The following GRIK2 variants were observed in gnomAD, a reference collection of about 807,000 sequenced individuals.
GRIK2 encodes the protein glutamate ionotropic receptor kainate type subunit 2, also known as glutamate receptor ionotropic, kainate 2.
In GRIK2, 32 loss-of-function variants were observed where a neutral mutation model predicts 100.3. The observed-to-expected ratio is 0.32, with a 90% CI of 0.24 to 0.43. GRIK2 has a LOEUF of 0.43. Among genes scored for constraint, GRIK2 ranks in the 20% least tolerant of loss-of-function variants. The pLI is 1.00. For missense variants in GRIK2, 843 were observed against 1,114.9 expected (o/e 0.76, Z 3.47); for synonymous variants, 417 against 389.4 (o/e 1.07, Z -0.83).
At chr6:101,738,384 T>C (rs1298465439) in intron 7 of GRIK2, among the ~76,000 whole-genome samples, 1 of 152,186 alleles carries the variant, frequency 6.6e-6, no homozygotes, top group Non-Finnish European at 1.5e-5. Context: ...TAAAGTTACA[T>C]GGAGAAAATT....
chr6:101,886,847 G>A (rs1263876612), intron 11 of GRIK2, among the ~76,000 whole-genome samples: 27 of 105,746 alleles, frequency 2.6e-4, no homozygotes, highest in African/African-American at 1.0e-3. Flanking sequence ...TTTTTTTGGA[G>A]ACAGAGTCTC....
chr6:101,853,821 T>C (rs779736918), intron 10 of GRIK2, among the ~76,000 whole-genome samples: 1 of 151,916 alleles, frequency 6.6e-6, no homozygotes. Context: ...TATTACCAAG[T>C]GAAAGAAAAC....
intron 14 of GRIK2, among the ~76,000 whole-genome samples, chr6:101,969,550 AC>A (rs1265014421): frequency 6.6e-6 from 1 of 152,096 alleles, no homozygotes; most frequent in Non-Finnish European, 1.5e-5. Context: ...AAGGAGTAAT[AC>A]TGAGACAATT....
intron 14 of GRIK2, among the ~76,000 whole-genome samples, chr6:102,014,573 G>A (rs1424521181): frequency 6.6e-6 from 1 of 152,008 alleles, no homozygotes; most frequent in Non-Finnish European, 1.5e-5. Flanking sequence ...TTTGATGTGG[G>A]CATTTAGTGC....
chr6:101,823,357 ATTT>A (rs71717742), intron 10 of GRIK2, among the ~76,000 whole-genome samples: 29,709 of 150,710 alleles, frequency 0.2, 4,658 homozygotes, highest in East Asian at 0.61. Context: ...TATTTTATAT[ATTT>A]TTTTATTTTT....
chr6:101,791,079 C>A (rs545693237), intron 7 of GRIK2, among the ~76,000 whole-genome samples: 5 of 149,952 alleles, frequency 3.3e-5, no homozygotes, highest in Admixed American at 6.7e-5. Context: ...TTTATTGCGT[C>A]TATTTGATTC....
intron 4 of GRIK2, among the ~76,000 whole-genome samples, chr6:101,673,771 A>G (rs1770612165): frequency 2.0e-5 from 3 of 152,090 alleles, no homozygotes; most frequent in Admixed American, 6.6e-5. Context: ...GCCAGTCTTC[A>G]TTTGTAGTTA....
chr6:101,465,412 T>C (rs1771588930), intron 2 of GRIK2, among the ~76,000 whole-genome samples: 1 of 152,202 alleles, frequency 6.6e-6, no homozygotes, highest in Non-Finnish European at 1.5e-5. Context: ...GATAATGGCC[T>C]CCAGTCCCAT....
chr6:101,878,106 TATATTATATTATATTA>T (rs1328553662), intron 11 of GRIK2, among the ~76,000 whole-genome samples: 4 of 146,760 alleles, frequency 2.7e-5, no homozygotes, highest in African/African-American at 7.4e-5. Flanking sequence ...TATATTATAT[TATATTATATTATATTA>T]TATTATATTA....
At chr6:101,740,341 A>T (rs975952659) in intron 7 of GRIK2, among the ~76,000 whole-genome samples, 15 of 152,174 alleles carry the variant, frequency 9.9e-5, no homozygotes, top group African/African-American at 2.7e-4. Flanking sequence ...TTGAAGTAAC[A>T]TATAGGAAGG....
At chr6:102,038,395 G>A (rs1279933989) in intron 15 of GRIK2, among the ~76,000 whole-genome samples, 2 of 151,176 alleles carry the variant, frequency 1.3e-5, no homozygotes, top group South Asian at 2.1e-4. Flanking sequence ...CATTTTCTCC[G>A]GGTTTGCATC....
intron 2 of GRIK2, among the ~76,000 whole-genome samples, chr6:101,609,391 T>G (rs916716128): frequency 2.0e-5 from 3 of 151,762 alleles, no homozygotes; most frequent in African/African-American, 7.2e-5. Flanking sequence ...CTAGTTAGCA[T>G]TAGATATATC....
chr6:101,407,721 T>G (rs1277656719), intron 2 of GRIK2, among the ~76,000 whole-genome samples: 4 of 152,298 alleles, frequency 2.6e-5, no homozygotes, highest in Non-Finnish European at 4.4e-5. Context: ...GCACATATTA[T>G]GTGGCAGGCA....
chr6:101,903,587 G>T (rs1304494619), intron 12 of GRIK2, among the ~76,000 whole-genome samples: 1 of 151,596 alleles, frequency 6.6e-6, no homozygotes, highest in Non-Finnish European at 1.5e-5. Flanking sequence ...TCTGGTTCTG[G>T]TTTATATTGT....
intron 14 of GRIK2, among the ~76,000 whole-genome samples, chr6:101,948,677 G>T (rs147767610): frequency 6.6e-6 from 1 of 151,772 alleles, no homozygotes; most frequent in South Asian, 2.1e-4. Context: ...GTCCCACTAC[G>T]TTGCCCAGAC....
intron 2 of GRIK2, among the ~76,000 whole-genome samples, chr6:101,591,477 A>G (rs971006342): frequency 6.6e-6 from 1 of 152,010 alleles, no homozygotes; most frequent in Non-Finnish European, 1.5e-5. Context: ...ATATTAAACT[A>G]TGAACCTTTG....
In GRIK2 at chr6:101,645,197, AC is replaced by A. The variant is rs565348875; in HGVS notation, c.541+18563del. Among the ~76,000 whole-genome samples, 26 of 151,802 alleles carry A rather than the reference AC, an allele frequency of 1.7e-4. 1 individual carries two copies. Among genetic ancestry groups the A allele is most frequent in the African/African-American group, 5.8e-4 (24 of 41,504 alleles). On this transcript the variant is annotated intron_variant, in intron 4 of 16. Transcript: ENST00000369134. Reference sequence around the variant, plus strand: ...AAAAACTAAAATCAACCATAATCTTACCCAAATGAGTCATTGTAACTATTTT... The same window carrying A: ...AAAAACTAAAATCAACCATAATCTTACCAAATGAGTCATTGTAACTATTTT...
chr6:102,003,917 T>C (rs1297074273), intron 14 of GRIK2, among the ~76,000 whole-genome samples: 2 of 151,766 alleles, frequency 1.3e-5, no homozygotes, highest in East Asian at 3.9e-4. Context: ...ATTTATAATA[T>C]AATCATATTG....
Position 101,424,028 on chromosome 6 carries a change from T to A in GRIK2, c.115+24636T>A, listed in dbSNP as rs115793896. ...GATTATAATGATTACTCATGAGGAT[T>A]TGATTTCTCCTATGGAAAATATATG... On this transcript the variant is annotated intron_variant, in intron 2 of 16. Transcript: ENST00000369134. Among the ~76,000 whole-genome samples the A allele has an allele frequency of 5.9e-3, 892 of 152,270 alleles. 4 individuals carry two copies. Among genetic ancestry groups the A allele is most frequent in the African/African-American group, 0.02 (852 of 41,586 alleles).
Sources: allele counts gnomAD v4.1 joint callset (sites outside exome capture counted in the v4.1 genomes callset), GRCh38; gene constraint gnomAD v4.1.1; transcripts MANE v1.5; gene names NCBI Gene and HGNC (gene_info 2026-07-23, HGNC 2026-07-21).